LRP5: variants seen among roughly 807,000 people sequenced by gnomAD.
LRP5 encodes the protein low-density lipoprotein receptor-related protein 5.
LRP5 carries 62 observed loss-of-function variants against 154.1 expected under a neutral mutation model. The observed-to-expected ratio is 0.40, with a 90% confidence interval of 0.33 to 0.50. The LOEUF (loss-of-function observed/expected upper bound fraction) is 0.50, where lower values mean the gene tolerates loss of function less well. LRP5 is among the 20% of genes least tolerant of loss of function. The pLI, the probability that LRP5 is intolerant of heterozygous loss-of-function variation, is 0.55. For missense variants in LRP5, 1,915 were observed against 2,336.7 expected (o/e 0.82, Z 3.72); for synonymous variants, 966 against 1,011.5 (o/e 0.96, Z 0.85).
chr11:68,334,576 G>T (rs1437054964), intron 1 of LRP5, among the ~76,000 whole-genome samples: 1 of 152,160 alleles, frequency 6.6e-6, no homozygotes, highest in Non-Finnish European at 1.5e-5. Context: ...ATGCATGTGT[G>T]TATAAAAGTG....
intron 7 of LRP5, among the ~76,000 whole-genome samples, chr11:68,402,991 A>G (rs1252655693): frequency 6.6e-6 from 1 of 152,206 alleles, no homozygotes; most frequent in Non-Finnish European, 1.5e-5. Flanking sequence ...CACGCCTGGA[A>G]TCCCAGCACT....
intron 10 of LRP5, among the ~76,000 whole-genome samples, 190 bp from the exon 11 acceptor site, chr11:68,411,245 GA>G (rs1181763982): frequency 6.6e-6 from 1 of 152,212 alleles, no homozygotes; most frequent in African/African-American, 2.4e-5. Flanking sequence ...GTGGCGCAGT[GA>G]CCACCCCTGG....
chr11:68,429,772 T>TAGCA, intron 17 of LRP5, 72 bp downstream of exon 17: 1 of 1,599,874 alleles, frequency 6.3e-7, no homozygotes, highest in Non-Finnish European at 8.5e-7. Flanking sequence ...GGCTGCTGCC[T>TAGCA]GGCATCCTTT....
At chr11:68,323,243 G>A (rs1486056553) in intron 1 of LRP5, among the ~76,000 whole-genome samples, 4 of 151,992 alleles carry the variant, frequency 2.6e-5, no homozygotes, top group African/African-American at 7.2e-5. Context: ...TGAGTAGCTG[G>A]GATTACAGGC....
rs397514665 is a variant in LRP5, at chr11:68,363,791, C to T, written c.731C>T (p.Thr244Met). 7 of 1,613,006 alleles carry T rather than the reference C, an allele frequency of 4.3e-6. No individual in the cohort carries two copies. The highest frequency in any genetic ancestry group is 2.7e-5 in the African/African-American group (2 of 74,824). Residue 244 changes from threonine (T) to methionine (M), a missense_variant, in exon 4 of 23, where the codon ACG becomes ATG. Physicochemically the swap from Thr to Met is moderately conservative, Grantham distance 81 (BLOSUM62 -1). Around this residue, in one of 3 missense-constraint regions of LRP5, gnomAD observed 773 missense variants for 1,100.9 expected, o/e 0.70. Coordinates refer to ENST00000294304, the MANE Select transcript of LRP5 (RefSeq NM_002335.4). ...EGSLTHPFALTLSGDTLYWTD... is the reference protein window; with the variant it reads ...EGSLTHPFALMLSGDTLYWTD... ...AGCCTGACGCACCCCTTCGCCCTGA[C>T]GCTCTCCGGGGACACTCTGTACTGG...
At chr11:68,312,949 C>T (rs1055323025) in intron 1 of LRP5, 144 bp downstream of exon 1, 3 of 261,174 alleles carry the variant, frequency 1.1e-5, no homozygotes, top group African/African-American at 2.3e-5. Flanking sequence ...CCCGGGATCC[C>T]CCTGCCGTCC....
At chr11:68,317,767 C>T (rs908220522) in intron 1 of LRP5, among the ~76,000 whole-genome samples, 2 of 152,114 alleles carry the variant, frequency 1.3e-5, no homozygotes, top group African/African-American at 2.4e-5. Context: ...TGGCCTGACT[C>T]GTGGTGTGCC....
At chr11:68,391,311 GT>G (rs3842246) in intron 7 of LRP5, among the ~76,000 whole-genome samples, 90,503 of 152,094 alleles carry the variant, frequency 0.6, 28,755 homozygotes, top group South Asian at 0.88. Flanking sequence ...CCAGTGATAT[GT>G]TACATGTGTC....
chr11:68,396,577 A>G (rs1035557593), intron 7 of LRP5, among the ~76,000 whole-genome samples: 2 of 152,226 alleles, frequency 1.3e-5, no homozygotes, highest in African/African-American at 4.8e-5. Context: ...ATGAGGTTTC[A>G]TGTAGATGGC....
intron 1 of LRP5, among the ~76,000 whole-genome samples, chr11:68,318,253 A>T (rs2098594600): frequency 6.7e-6 from 1 of 149,424 alleles, no homozygotes; most frequent in African/African-American, 2.5e-5. Flanking sequence ...ACGGGGTTTC[A>T]CCGTGTTAGC....
rs375402589 is a variant in LRP5, at chr11:68,403,113, C to T, written c.1585-370C>T. Among the ~76,000 whole-genome samples, 10 of 152,044 alleles carry T rather than the reference C, an allele frequency of 6.6e-5. No individual in the cohort carries two copies. In the South Asian group the frequency reaches 8.3e-4, roughly 13 times the overall value. On this transcript the variant is annotated intron_variant, in intron 7 of 22. Transcript: ENST00000294304. ...TACAAAAATTCGCCAGGTGTGGTGG[C>T]GGGTACCTGTAATCCGAGCTACTCG...
At chr11:68,325,932 A>G (rs1053589310) in intron 1 of LRP5, among the ~76,000 whole-genome samples, 3 of 152,188 alleles carry the variant, frequency 2.0e-5, no homozygotes, top group African/African-American at 7.2e-5. Flanking sequence ...TTACCATCGC[A>G]TCGCAATTGT....
At chr11:68,421,052 C>T (rs750210663) in intron 13 of LRP5, among the ~76,000 whole-genome samples, 1 of 152,108 alleles carries the variant, frequency 6.6e-6, no homozygotes, top group Admixed American at 6.5e-5. Flanking sequence ...TGGTGAAACC[C>T]CGTCTCTACT....
rs1565339464 is a variant in LRP5 at position 68,353,433 on chromosome 11, CCGGAGA to C, written c.489-4216_489-4211del. ...CTCTGTCCCTGTAGGCTCCATGTCT[CCGGAGA>C]GGGAGAGGGAGAGGGAGAGGATTCC... On this transcript the variant is annotated intron_variant, in intron 2 of 22. Transcript: ENST00000294304. This position sits in a 1 kb window ranked among gnomAD's most constrained non-coding sequence, Gnocchi z 4.5. Among the ~76,000 whole-genome samples the C allele has an allele frequency of 6.6e-6, 1 of 151,808 alleles. No homozygotes were observed. Among genetic ancestry groups the C allele is most frequent in the African/African-American group, 2.4e-5 (1 of 41,086 alleles).
chr11:68,371,628 C>T (rs2098634056), intron 5 of LRP5, among the ~76,000 whole-genome samples: 1 of 152,260 alleles, frequency 6.6e-6, no homozygotes, highest in Non-Finnish European at 1.5e-5. Flanking sequence ...CGGCCGTGCG[C>T]CCGGCGGGCA....
intron 21 of LRP5, among the ~76,000 whole-genome samples, chr11:68,443,573 ATATATATATATATT>A (rs1270137889): frequency 8.7e-4 from 38 of 43,558 alleles, no homozygotes; most frequent in East Asian, 5.3e-3. Flanking sequence ...ATATATATAT[ATATATATATATATT>A]TTTTTTTTTT....
chr11:68,331,147 C>T (rs1443428384), intron 1 of LRP5, among the ~76,000 whole-genome samples: 2 of 152,242 alleles, frequency 1.3e-5, no homozygotes, highest in South Asian at 4.1e-4. Flanking sequence ...TTGTGCCCCT[C>T]TACCTAGGCA....
Position 68,426,001 on chromosome 11 carries a change from G to C in LRP5, c.3451G>C (p.Asp1151His). Reference protein sequence around the residue: ...LSGANRLTLEDANIVQPLGLT... With the variant: ...LSGANRLTLEHANIVQPLGLT... ...AGGGGCCAACCGCCTGACCCTGGAG[G>C]ACGCCAACATCGTGCAGCCTCTGGG... The change falls in exon 16 of 23, where the codon GAC (aspartate) becomes CAC (histidine). Residue 1151 changes from aspartate (D) to histidine (H), a missense_variant. Coordinates refer to ENST00000294304, the MANE Select transcript of LRP5 (RefSeq NM_002335.4). The C allele has an allele frequency of 6.2e-7, 1 of 1,612,572 alleles. No individual in the cohort carries two copies.
At chr11:68,434,662 G>A (rs1391934849) in intron 18 of LRP5, among the ~76,000 whole-genome samples, 3 of 152,230 alleles carry the variant, frequency 2.0e-5, no homozygotes, top group African/African-American at 4.8e-5. Context: ...TTACAGGCAT[G>A]AGCCACCGCG....
Sources: allele counts gnomAD v4.1 joint callset (sites outside exome capture counted in the v4.1 genomes callset), GRCh38; gene constraint gnomAD v4.1.1; regional missense constraint gnomAD v4.1.1; non-coding constraint Gnocchi (gnomAD v3.1); transcripts MANE v1.5; gene names NCBI Gene and HGNC (gene_info 2026-07-23, HGNC 2026-07-21).